CHRM3: variants seen among roughly 807,000 people sequenced by gnomAD.
The protein encoded by CHRM3 is muscarinic acetylcholine receptor M3.
A neutral mutation model predicts 41.8 loss-of-function variants in CHRM3; 11 were observed. That is an observed-to-expected ratio of 0.26 (90% CI 0.17 to 0.44). The LOEUF (loss-of-function observed/expected upper bound fraction) is 0.44. Ranked by LOEUF, CHRM3 falls within the 20% of genes least tolerant of loss-of-function variation. The pLI is 1.00. For synonymous variants in CHRM3, 297 were observed against 301.4 expected, an observed-to-expected ratio of 0.99 and a Z score of 0.15; for missense variants, 571 against 745.4, an observed-to-expected ratio of 0.77 and a Z score of 2.72.
chr1:239,729,775 A>G (rs751862711), intron 5 of CHRM3, among the ~76,000 whole-genome samples: 6 of 152,002 alleles, frequency 3.9e-5, no homozygotes, highest in Non-Finnish European at 7.4e-5. Context: ...TAAAAGATTC[A>G]TTCAAAATAC....
chr1:239,815,923 C>T (rs1373280837), intron 5 of CHRM3, among the ~76,000 whole-genome samples: 1 of 152,168 alleles, frequency 6.6e-6, no homozygotes, highest in Non-Finnish European at 1.5e-5. Flanking sequence ...TATGGTGCTT[C>T]TGTCTCAATA....
chr1:239,773,927 A>C (rs144919820), intron 5 of CHRM3, among the ~76,000 whole-genome samples: 62 of 152,000 alleles, frequency 4.1e-4, no homozygotes, highest in African/African-American at 1.5e-3. Context: ...TTGGCAGGTA[A>C]TTAGATTTAG....
At chr1:239,696,887 C>T (rs1303829901) in intron 5 of CHRM3, among the ~76,000 whole-genome samples, 1 of 152,078 alleles carries the variant, frequency 6.6e-6, no homozygotes, top group African/African-American at 2.4e-5. Flanking sequence ...TAATTATGAC[C>T]ACTGTAAGGG....
chr1:239,495,635 T>G (rs1667830151), intron 2 of CHRM3, among the ~76,000 whole-genome samples: 1 of 152,124 alleles, frequency 6.6e-6, no homozygotes, highest in Admixed American at 6.6e-5. Flanking sequence ...GTCCTGCTCC[T>G]CACCAGCTGT....
chr1:239,429,820 A>C (rs1177107457), intron 1 of CHRM3, among the ~76,000 whole-genome samples: 2 of 144,744 alleles, frequency 1.4e-5, no homozygotes, highest in African/African-American at 2.6e-5. Context: ...ACATCTCATT[A>C]GTAATTCATT....
intron 6 of CHRM3, among the ~76,000 whole-genome samples, chr1:239,828,727 G>A (rs943250871): frequency 6.6e-6 from 1 of 152,098 alleles, no homozygotes; most frequent in Non-Finnish European, 1.5e-5. Context: ...CTGGGAGCTA[G>A]AATATCAATG....
intron 1 of CHRM3, among the ~76,000 whole-genome samples, chr1:239,399,490 A>G (rs912232112): frequency 3.3e-5 from 5 of 152,098 alleles, no homozygotes; most frequent in South Asian, 2.1e-4. Flanking sequence ...TTTGATCAAC[A>G]TCTCCCCAAC....
chr1:239,715,348 T>C (rs1662233595), intron 5 of CHRM3, among the ~76,000 whole-genome samples: 2 of 152,150 alleles, frequency 1.3e-5, no homozygotes, highest in African/African-American at 2.4e-5. Flanking sequence ...ATTTTATTTG[T>C]TTTGTTTTGA....
At chr1:239,556,352 A>G (rs1660355210) in intron 3 of CHRM3, among the ~76,000 whole-genome samples, 1 of 152,196 alleles carries the variant, frequency 6.6e-6, no homozygotes, top group South Asian at 2.1e-4. Flanking sequence ...TAAAAAATAT[A>G]TAGATTCAAA....
intron 5 of CHRM3, among the ~76,000 whole-genome samples, chr1:239,825,171 C>T (rs1672353543): frequency 6.6e-6 from 1 of 152,152 alleles, no homozygotes; most frequent in African/African-American, 2.4e-5. Flanking sequence ...GTAGTGATTG[C>T]TCTGTGAAAA....
intron 3 of CHRM3, among the ~76,000 whole-genome samples, chr1:239,621,350 G>C (rs1668339957): frequency 1.3e-5 from 2 of 152,076 alleles, no homozygotes; most frequent in African/African-American, 4.8e-5. Context: ...TCTTACAACA[G>C]CCTCTAAGTG....
intron 2 of CHRM3, among the ~76,000 whole-genome samples, chr1:239,519,108 T>C (rs991617989): frequency 1.3e-5 from 2 of 152,130 alleles, no homozygotes; most frequent in East Asian, 1.9e-4. Context: ...TATAGTAAAA[T>C]TGGTGTATTT....
In CHRM3 at chr1:239,576,503, G is replaced by A. The variant is rs1398154504; in HGVS notation, c.-313+30754G>A. Among the ~76,000 whole-genome samples the A allele has an allele frequency of 2.6e-5, 4 of 152,064 alleles. No individual in the cohort carries two copies. In the East Asian group the frequency reaches 7.8e-4, roughly 29 times the overall value. On this transcript the variant is annotated intron_variant, in intron 3 of 6. Coordinates refer to ENST00000676153, the MANE Select transcript of CHRM3 (RefSeq NM_001375978.1). ...CATGCCTATAATCTCAGTGCTTTGG[G>A]AGGCCAAGGCAGGAGTATTGCTTGA...
chr1:239,496,565 G>A (rs997000674), intron 2 of CHRM3, among the ~76,000 whole-genome samples: 2 of 149,082 alleles, frequency 1.3e-5, no homozygotes, highest in Admixed American at 1.4e-4. Context: ...ATATTATACG[G>A]TTGTATCTCC....
chr1:239,487,781 T>C (rs1275578677), intron 1 of CHRM3, among the ~76,000 whole-genome samples: 1 of 151,702 alleles, frequency 6.6e-6, no homozygotes, highest in Non-Finnish European at 1.5e-5. Flanking sequence ...AAAAATTGTA[T>C]TGCTTTTTAT....
intron 5 of CHRM3, among the ~76,000 whole-genome samples, chr1:239,691,824 C>T (rs1050860717): frequency 1.3e-5 from 2 of 152,112 alleles, no homozygotes; most frequent in South Asian, 4.1e-4. Context: ...GCTTTAGACT[C>T]AAGGCTTACA....
chr1:239,473,023 T>C (rs2147950965), intron 1 of CHRM3, among the ~76,000 whole-genome samples: 1 of 152,234 alleles, frequency 6.6e-6, no homozygotes, highest in Non-Finnish European at 1.5e-5. Context: ...CAAATTAGCA[T>C]TTAAAAAGAA....
At chr1:239,401,657 A>AT (rs983879089) in intron 1 of CHRM3, among the ~76,000 whole-genome samples, 17 of 151,870 alleles carry the variant, frequency 1.1e-4, no homozygotes, top group Admixed American at 3.3e-4. Context: ...CACCCAGCTA[A>AT]TTTTTTTGTA....
At chr1:239,723,710 A>T (rs1056914859) in intron 5 of CHRM3, among the ~76,000 whole-genome samples, 1 of 151,912 alleles carries the variant, frequency 6.6e-6, no homozygotes, top group Non-Finnish European at 1.5e-5. Flanking sequence ...GGCAAATTGT[A>T]TGAGATGTGT....
Sources: allele counts gnomAD v4.1 joint callset (sites outside exome capture counted in the v4.1 genomes callset), GRCh38; gene constraint gnomAD v4.1.1; transcripts MANE v1.5; gene names NCBI Gene and HGNC (gene_info 2026-07-23, HGNC 2026-07-21).